Variants in RALGPS2 observed in about 807,000 individuals in gnomAD.
RALGPS2 encodes the protein Ral GEF with PH domain and SH3 binding motif 2.
In RALGPS2, 43 loss-of-function variants were observed where a neutral mutation model predicts 86.8. The ratio of observed to expected loss-of-function variants is 0.50; its 90% CI spans 0.39 to 0.64. The LOEUF (loss-of-function observed/expected upper bound fraction) is 0.64. Among genes scored for constraint, RALGPS2 ranks in the 30% least tolerant of loss-of-function variants. The probability of loss-of-function intolerance (pLI) is 0.00; values close to 1 mark genes in which losing one functional copy is unlikely to be tolerated. For missense variants in RALGPS2, 536 were observed against 694.6 expected, an observed-to-expected ratio of 0.77 and a Z score of 2.57; for synonymous variants, 243 against 231.3, an observed-to-expected ratio of 1.05 and a Z score of -0.46.
chr1:178,759,341 T>C (rs1009266429), intron 1 of RALGPS2, among the ~76,000 whole-genome samples: 1 of 152,122 alleles, frequency 6.6e-6, no homozygotes, highest in Admixed American at 6.6e-5. Context: ...CTTTTCCCAT[T>C]GCCAATGAAT....
chr1:178,891,738 A>G (rs1024608282), intron 14 of RALGPS2, among the ~76,000 whole-genome samples: 3 of 151,986 alleles, frequency 2.0e-5, no homozygotes, highest in African/African-American at 4.8e-5. Flanking sequence ...TTTATTTACT[A>G]TAAAGGATAA....
intron 2 of RALGPS2, among the ~76,000 whole-genome samples, chr1:178,780,475 T>C (rs933842884): frequency 2.0e-5 from 3 of 152,174 alleles, no homozygotes; most frequent in African/African-American, 7.2e-5. Context: ...CTCTTAAACT[T>C]TATCTTTTCT....
At chr1:178,802,259 G>C (rs988322355) in intron 4 of RALGPS2, among the ~76,000 whole-genome samples, 1 of 152,088 alleles carries the variant, frequency 6.6e-6, no homozygotes, top group African/African-American at 2.4e-5. Flanking sequence ...TACATTTACA[G>C]TACTGTATTG....
intron 4 of RALGPS2, among the ~76,000 whole-genome samples, chr1:178,788,126 T>G (rs924117921): frequency 5.3e-5 from 8 of 152,172 alleles, no homozygotes; most frequent in African/African-American, 1.9e-4. Context: ...CCTGTGCACA[T>G]CCTAATTAAC....
At chr1:178,910,482 T>C (rs980571218) in intron 19 of RALGPS2, among the ~76,000 whole-genome samples, 1 of 152,250 alleles carries the variant, frequency 6.6e-6, no homozygotes, top group African/African-American at 2.4e-5. Flanking sequence ...GGATGTTGAA[T>C]TTTATCAAAA....
chr1:178,786,941 G>A (rs186674001), intron 4 of RALGPS2, among the ~76,000 whole-genome samples: 107 of 151,844 alleles, frequency 7.0e-4, no homozygotes, highest in Non-Finnish European at 1.3e-4. Flanking sequence ...ATGAAGGGGT[G>A]GGCCGAAATG....
At chr1:178,809,356 A>G (rs76688115) in intron 5 of RALGPS2, among the ~76,000 whole-genome samples, 3,749 of 151,920 alleles carry the variant, frequency 0.025, 150 homozygotes, top group African/African-American at 0.085. Flanking sequence ...GCCTTGTATT[A>G]TGTCTTTGAA....
intron 1 of RALGPS2, among the ~76,000 whole-genome samples, chr1:178,749,849 C>T (rs1297691843): frequency 6.6e-6 from 1 of 152,096 alleles, no homozygotes; most frequent in Non-Finnish European, 1.5e-5. Context: ...AATTCCAGCA[C>T]TTTGGAAGGC....
intron 9 of RALGPS2, 142 bp from the exon 10 acceptor site, chr1:178,878,760 A>G: frequency 9.2e-7 from 1 of 1,085,498 alleles, no homozygotes; most frequent in South Asian, 1.6e-5. Flanking sequence ...ATTAAAGTTT[A>G]TCTCAGTAAT....
chr1:178,877,439 T>G (rs1428819985), intron 8 of RALGPS2, 59 bp from the exon 9 acceptor site: 5 of 1,597,390 alleles, frequency 3.1e-6, no homozygotes, highest in Non-Finnish European at 4.3e-6. Flanking sequence ...CCCCTTTTCT[T>G]TGTCATAGTC....
chr1:178,882,160 T>C (rs1659285578), intron 10 of RALGPS2, among the ~76,000 whole-genome samples: 1 of 152,260 alleles, frequency 6.6e-6, no homozygotes, highest in Admixed American at 6.5e-5. Flanking sequence ...CTGCTTTTTA[T>C]ATTGCTGTCA....
chr1:178,851,952 A>G (rs1370280036), intron 8 of RALGPS2, among the ~76,000 whole-genome samples: 1 of 152,158 alleles, frequency 6.6e-6, no homozygotes, highest in African/African-American at 2.4e-5. Flanking sequence ...AGTCAAAAGC[A>G]TATGAAAACT....
At chr1:178,730,320 A>T (rs1350475703) in intron 1 of RALGPS2, among the ~76,000 whole-genome samples, 3 of 152,168 alleles carry the variant, frequency 2.0e-5, no homozygotes, top group Non-Finnish European at 4.4e-5. Flanking sequence ...TCTATGCTTT[A>T]GGATTCTTAT....
At chr1:178,893,139 T>A (rs1451023771) in intron 15 of RALGPS2, among the ~76,000 whole-genome samples, 1 of 152,130 alleles carries the variant, frequency 6.6e-6, no homozygotes, top group Non-Finnish European at 1.5e-5. Context: ...GACATTTTTG[T>A]CAGCATGTAT....
At chr1:178,874,268 T>C (rs982625161) in intron 8 of RALGPS2, among the ~76,000 whole-genome samples, 5 of 152,204 alleles carry the variant, frequency 3.3e-5, no homozygotes, top group African/African-American at 1.2e-4. Context: ...CCCCAACATA[T>C]TAAAATATTA....
At chr1:178,825,518 C>T (rs1196198783) in intron 7 of RALGPS2, among the ~76,000 whole-genome samples, 2 of 151,972 alleles carry the variant, frequency 1.3e-5, no homozygotes, top group Non-Finnish European at 2.9e-5. Flanking sequence ...GTATTCTCTC[C>T]ATGAAATGGC....
At position 178,868,173 on chromosome 1, in the gene RALGPS2, T is replaced by A. The variant is rs1489605587; in HGVS notation, c.608-9325T>A. Among the ~76,000 whole-genome samples, 5 of 151,912 alleles carry A rather than the reference T, an allele frequency of 3.3e-5. No individual in the cohort carries two copies. In the East Asian group the frequency reaches 7.7e-4, roughly 23 times the overall value. ...ACATATATAGAAAATTTAGAAACAG[T>A]CATCTATTTTATTTTTAAAAATAGA... is the stretch of plus-strand genomic sequence containing the variant. On this transcript the variant is annotated intron_variant, in intron 8 of 19. Coordinates refer to ENST00000367635, the MANE Select transcript of RALGPS2 (RefSeq NM_152663.5).
chr1:178,857,601 A>G (rs1275768541), intron 8 of RALGPS2, among the ~76,000 whole-genome samples: 1 of 152,208 alleles, frequency 6.6e-6, no homozygotes, highest in Non-Finnish European at 1.5e-5. Flanking sequence ...GTTAATGCAC[A>G]CATGAAAGTA....
At chr1:178,784,210 C>T (rs1055994222) in intron 2 of RALGPS2, among the ~76,000 whole-genome samples, 7 of 152,084 alleles carry the variant, frequency 4.6e-5, no homozygotes, top group African/African-American at 1.7e-4. Flanking sequence ...CATTCAAGAA[C>T]CTAAAAATTT....
Sources: gnomAD v4.1 joint callset for allele counts (sites outside exome capture counted in the v4.1 genomes callset) on GRCh38, gnomAD v4.1.1 for gene constraint, MANE v1.5 for transcripts, NCBI Gene and HGNC (gene_info 2026-07-23, HGNC 2026-07-21) for gene names.